FAM162A: variants seen among roughly 807,000 people sequenced by gnomAD.
The protein encoded by FAM162A is family with sequence similarity 162 member A.
A neutral mutation model predicts 21.8 loss-of-function variants in FAM162A; 23 were observed. That is an observed-to-expected ratio of 1.05 (90% confidence interval 0.76 to 1.49). The LOEUF is 1.49. Ranked by LOEUF, FAM162A falls within the 40% of genes most tolerant of loss-of-function variation. The probability of loss-of-function intolerance (pLI) is 0.00; values close to 1 mark genes in which losing one functional copy is unlikely to be tolerated. For synonymous variants in FAM162A, 53 were observed against 61.3 expected (o/e 0.86, Z 0.64); for missense variants, 165 against 186.4 (o/e 0.89, Z 0.67).
At chr3:122,407,435 A>G (rs771986207) in intron 4 of FAM162A, 46 bp downstream of exon 4, 1 of 1,435,272 alleles carries the variant, frequency 7.0e-7, no homozygotes, top group Non-Finnish European at 9.8e-7. Context: ...TTCTCCACCA[A>G]GAACCTAGAG....
chr3:122,395,873 AG>A (rs1435905446), intron 1 of FAM162A, among the ~76,000 whole-genome samples: 2 of 152,210 alleles, frequency 1.3e-5, no homozygotes, highest in Non-Finnish European at 2.9e-5. Flanking sequence ...TAGAATTGAT[AG>A]TCCAGAAATA....
At chr3:122,392,901 CA>C (rs35125513) in intron 1 of FAM162A, among the ~76,000 whole-genome samples, 142 of 148,352 alleles carry the variant, frequency 9.6e-4, no homozygotes, top group South Asian at 2.6e-3. Flanking sequence ...CATAATATTT[CA>C]AAAAAAAAAT....
intron 1 of FAM162A, among the ~76,000 whole-genome samples, chr3:122,400,171 A>AGTT (rs2075646503): frequency 6.6e-6 from 1 of 152,134 alleles, no homozygotes; most frequent in Non-Finnish European, 1.5e-5. Context: ...AGCCCATATA[A>AGTT]CCATGGAATA....
chr3:122,387,023 A>G (rs533925374), intron 1 of FAM162A, among the ~76,000 whole-genome samples: 2 of 152,320 alleles, frequency 1.3e-5, no homozygotes, highest in South Asian at 2.1e-4. Context: ...TCATAAGGGT[A>G]AACACTGGCT....
In FAM162A at chr3:122,411,474, A is replaced by G. The variant is rs1482301969; in HGVS notation, c.*1643A>G. 1 of 152,182 alleles carries G rather than the reference A, an allele frequency of 6.6e-6. No individual in the cohort carries two copies. Among genetic ancestry groups the G allele is most frequent in the Non-Finnish European group, 1.5e-5 (1 of 68,036 alleles). The allele number at this position is 152,182 out of a possible 1,614,324, so 9.4% of individuals were successfully genotyped here. ...ATTTCTTTTAAAAATAATCCTCTTC[A>G]TAGAGCAATACAACAAAAATGTGTT... is the stretch of plus-strand genomic sequence containing the variant. On this transcript the variant is annotated 3_prime_UTR_variant, in exon 5 of 5. Transcript: ENST00000477892.
chr3:122,397,311 T>TC (rs1196128384), intron 1 of FAM162A, among the ~76,000 whole-genome samples: 4 of 152,066 alleles, frequency 2.6e-5, no homozygotes, highest in African/African-American at 9.7e-5. Context: ...CTCTCTCACC[T>TC]CCCCTTACTG....
intron 3 of FAM162A, among the ~76,000 whole-genome samples, chr3:122,405,146 C>G (rs1308523977): frequency 6.6e-6 from 1 of 152,170 alleles, no homozygotes; most frequent in Admixed American, 6.5e-5. Flanking sequence ...GGCATCTTGG[C>G]TAAAAAGAGA....
At chr3:122,409,660 C>G in intron 4 of FAM162A, 79 bp from the exon 5 acceptor site, 1 of 1,245,752 alleles carries the variant, frequency 8.0e-7, no homozygotes. Flanking sequence ...CTCTGTTAAC[C>G]TGCTGTCATC....
At chr3:122,400,327 C>A (rs1227124917) in intron 1 of FAM162A, among the ~76,000 whole-genome samples, 2 of 151,930 alleles carry the variant, frequency 1.3e-5, no homozygotes, top group African/African-American at 4.8e-5. Flanking sequence ...ACAATGAGAA[C>A]ACATGGACAC....
At chr3:122,402,920 T>C in intron 2 of FAM162A, 38 bp downstream of exon 2, 1 of 1,560,082 alleles carries the variant, frequency 6.4e-7, no homozygotes, top group African/African-American at 1.4e-5. Context: ...AGTTGGTAGC[T>C]CCCAAAGAGT....
rs2075561592 is a variant in FAM162A at position 122,384,253 on chromosome 3, G to A, written c.-13G>A. 6.4e-7 allele frequency: 1 copy of A among 1,570,346 alleles called. No individual in the cohort carries two copies. Among genetic ancestry groups the A allele is most frequent in the Non-Finnish European group, 8.6e-7 (1 of 1,158,168 alleles). On this transcript the variant is annotated 5_prime_UTR_variant, in exon 1 of 5. Coordinates refer to ENST00000477892, the MANE Select transcript of FAM162A (RefSeq NM_014367.4). The stretch of plus-strand genomic sequence containing the variant: ...GCGAAGTTCTGCGCTGGTCGGCGGA[G>A]TAGCAAGTGGCCATGGGGAGCCTCA...
chr3:122,397,394 A>C lies in FAM162A; in HGVS notation c.35-5366A>C, dbSNP rs149306520. Among the ~76,000 whole-genome samples the C allele has an allele frequency of 1.7e-4, 26 of 152,216 alleles. No individual in the cohort carries two copies. The East Asian group carries it at 4.8e-3, about 28-fold the overall frequency. On this transcript the variant is annotated intron_variant, in intron 1 of 4. Coordinates refer to ENST00000477892, the MANE Select transcript of FAM162A (RefSeq NM_014367.4). Reference sequence around the variant, plus strand: ...CCAAGGCACAGTCTTTTTATCTATTAGCAAATTCATTTTTAACCACAAAGG... The same window carrying C: ...CCAAGGCACAGTCTTTTTATCTATTCGCAAATTCATTTTTAACCACAAAGG...
intron 1 of FAM162A, among the ~76,000 whole-genome samples, chr3:122,385,394 A>AT (rs1230041283): frequency 6.6e-6 from 1 of 152,150 alleles, no homozygotes; most frequent in Non-Finnish European, 1.5e-5. Flanking sequence ...GATTTCATTG[A>AT]TTTTGTCAGT....
chr3:122,403,117 C>T (rs993464869), intron 2 of FAM162A, among the ~76,000 whole-genome samples: 2 of 152,058 alleles, frequency 1.3e-5, no homozygotes, highest in Non-Finnish European at 2.9e-5. Flanking sequence ...TATGCAGGCC[C>T]ATCTTCCTAC....
chr3:122,406,983 A>G (rs755679601), intron 3 of FAM162A, among the ~76,000 whole-genome samples: 1 of 141,232 alleles, frequency 7.1e-6, no homozygotes, highest in Non-Finnish European at 1.5e-5. Flanking sequence ...AGTGTAGATT[A>G]ATATGCCTTG....
intron 3 of FAM162A, among the ~76,000 whole-genome samples, chr3:122,404,760 A>G (rs2075669608): frequency 6.6e-6 from 1 of 152,234 alleles, no homozygotes; most frequent in Admixed American, 6.5e-5. Context: ...TAATTGCAAT[A>G]TTCTGGAATT....
intron 2 of FAM162A, 77 bp from the exon 3 acceptor site, chr3:122,404,181 A>G: frequency 1.7e-6 from 1 of 584,590 alleles, no homozygotes; most frequent in Non-Finnish European, 2.9e-6. Context: ...AAAAAGCACT[A>G]ATACCATTTT....
chr3:122,409,734 T>C lies in FAM162A; in HGVS notation c.373-5T>C. On this transcript the variant is annotated splice_polypyrimidine_tract_variant and splice_region_variant and intron_variant, in intron 4 of 4. Coordinates refer to ENST00000477892, the MANE Select transcript of FAM162A (RefSeq NM_014367.4). Reference sequence around the variant, plus strand: ...AATCACCTGTTCAAATCTGTTTTGCTTTAGGCTGCCCAAAGACACGAGACT... The same window carrying C: ...AATCACCTGTTCAAATCTGTTTTGCCTTAGGCTGCCCAAAGACACGAGACT... 6.2e-7 allele frequency: 1 copy of C among 1,613,998 alleles called. No homozygotes were observed. The highest frequency in any genetic ancestry group is 8.5e-7 in the Non-Finnish European group (1 of 1,179,884).
At position 122,410,069 on chromosome 3, in the gene FAM162A, T is replaced by C. The variant is rs761516476; in HGVS notation, c.*238T>C. 3 of 497,910 alleles carry C rather than the reference T, an allele frequency of 6.0e-6. No homozygotes were observed. In the South Asian group the frequency reaches 6.1e-5, roughly 10 times the overall value. The allele number at this position is 497,910 out of a possible 1,614,324, so 30.8% of individuals were successfully genotyped here. A position where few individuals can be genotyped will look rare whatever the true frequency, so the allele number is the denominator to read the frequency against. ...AGCCTTTTGGAGAAAAATGAAACAA[T>C]TTATTTCAACTTGAATACCAACTCT... On this transcript the variant is annotated 3_prime_UTR_variant, in exon 5 of 5. Coordinates refer to ENST00000477892, the MANE Select transcript of FAM162A (RefSeq NM_014367.4).
Sources: gnomAD v4.1 joint callset for allele counts (sites outside exome capture counted in the v4.1 genomes callset) on GRCh38, gnomAD v4.1.1 for gene constraint, MANE v1.5 for transcripts, NCBI Gene and HGNC (gene_info 2026-07-23, HGNC 2026-07-21) for gene names.